Variants in RGPD1 observed in about 807,000 individuals in gnomAD.
RGPD1 encodes the protein RANBP2 like and GRIP domain containing 1.
RGPD1 carries 7 observed loss-of-function variants against 40.6 expected under a neutral mutation model. That is an observed-to-expected ratio of 0.17 (90% CI 0.10 to 0.32). RGPD1 has a LOEUF of 0.32. RGPD1 is among the 10% of genes least tolerant of loss of function. The probability of loss-of-function intolerance (pLI) is 1.00; values close to 1 mark genes in which losing one functional copy is unlikely to be tolerated. For missense variants in RGPD1, 50 were observed against 472.5 expected (o/e 0.11, Z 8.29); for synonymous variants, 24 against 167.0 (o/e 0.14, Z 6.60).
At chr2:86,926,183 TC>T (rs1678487238) in intron 1 of RGPD1, among the ~76,000 whole-genome samples, 1 of 151,976 alleles carries the variant, frequency 6.6e-6, no homozygotes, top group Non-Finnish European at 1.5e-5. Flanking sequence ...CAGTTCTTTT[TC>T]ATTCAGTTCT....
chr2:86,932,071 A>G (rs1679032483), intron 1 of RGPD1, among the ~76,000 whole-genome samples: 1 of 145,010 alleles, frequency 6.9e-6, no homozygotes, highest in East Asian at 2.0e-4. Context: ...TGGAAGGGCA[A>G]ATAACTTGTC....
chr2:86,917,838 CTTAATAT>C (rs1430781305), intron 1 of RGPD1, among the ~76,000 whole-genome samples: 1 of 65,550 alleles, frequency 1.5e-5, no homozygotes, highest in African/African-American at 6.0e-5. Context: ...TCAAATCTCA[CTTAATAT>C]TTAATGTTAA....
rs1358468374 is a variant in RGPD1 at position 86,942,243 on chromosome 2, C to T, written c.7C>T (p.Arg3Cys). ...GAGCCAGGTTGGCGGTGCGATGAGG[C>T]GCAGCAAGGCCTACGGGGAGCGGTA... MR[R>C]SKAYGERYVA... The change falls in exon 1 of 23, where the codon CGC (arginine) becomes TGC (cysteine). Residue 3 changes from arginine to cysteine, a missense_variant. Transcript: ENST00000641458. 2.1e-5 allele frequency: 33 copies of T among 1,605,390 alleles called. No individual in the cohort carries two copies. Among genetic ancestry groups the T allele is most frequent in the African/African-American group, 2.0e-4 (15 of 74,614 alleles).
chr2:86,918,154 A>G (rs1408137304), intron 1 of RGPD1, among the ~76,000 whole-genome samples: 11 of 150,968 alleles, frequency 7.3e-5, no homozygotes, highest in South Asian at 4.2e-4. Context: ...GATTTAAAGT[A>G]CTTTAGCCGA....
At position 86,942,466 on chromosome 2, in the gene RGPD1, C is replaced by CCGGCCTCGACCTGGCCGGGCGGCGGCGG. The variant is rs1553447630; in HGVS notation, c.72+225_72+252dup. ...CTCCCTGGCGCGCTCTGTTGAGGCG[C>CCGGCCTCGACCTGGCCGGGCGGCGGCGG]CGGCCTCGACCTGGCCGGGCGGCGG... is the stretch of plus-strand genomic sequence containing the variant. On this transcript the variant is annotated intron_variant, in intron 1 of 22. Coordinates refer to ENST00000641458, the MANE Select transcript of RGPD1 (RefSeq NM_001382344.1). 5.6e-3 allele frequency among the ~76,000 whole-genome samples: 299 copies of CCGGCCTCGACCTGGCCGGGCGGCGGCGG among 53,568 alleles called. 47 individuals carry two copies. The highest frequency in any genetic ancestry group is 0.011 in the East Asian group (17 of 1,544). 35.1% of individuals were successfully genotyped at this position (53,568 alleles called of 152,430 possible).
At chr2:86,915,439 C>T (rs1202741707) in intron 1 of RGPD1, among the ~76,000 whole-genome samples, 1 of 133,402 alleles carries the variant, frequency 7.5e-6, no homozygotes, top group African/African-American at 2.9e-5. Context: ...GGCCAGGTAC[C>T]TAGAAGTATG....
intron 1 of RGPD1, among the ~76,000 whole-genome samples, chr2:86,914,418 GGGCGGCGGCGGCGGCGGCGGC>G (rs1175704937): frequency 6.1e-4 from 6 of 9,836 alleles, no homozygotes; most frequent in Non-Finnish European, 5.7e-4. Context: ...CGACCTGGCC[GGGCGGCGGCGGCGGCGGCGGC>G]GGCGGCGGCG....
intron 22 of RGPD1, among the ~76,000 whole-genome samples, chr2:87,009,302 C>A (rs1682171723): frequency 9.5e-4 from 3 of 3,168 alleles, no homozygotes; most frequent in South Asian, 7.4e-3. Context: ...AAGACTCTGT[C>A]TCAAAAAAAA....
At chr2:86,942,346 G>A in intron 1 of RGPD1, 38 bp downstream of exon 1, 4 of 1,002,602 alleles carry the variant, frequency 4.0e-6, no homozygotes, top group Middle Eastern at 3.8e-4. Flanking sequence ...CCTCGACCTG[G>A]CCGGGCGGCG....
intron 1 of RGPD1, among the ~76,000 whole-genome samples, chr2:86,931,227 T>A (rs1678936262): frequency 6.6e-6 from 1 of 151,456 alleles, no homozygotes; most frequent in African/African-American, 2.4e-5. Context: ...TATGTGATAG[T>A]GTTTTGTACC....
chr2:86,943,408 C>T (rs891099875), intron 1 of RGPD1, among the ~76,000 whole-genome samples: 1 of 151,210 alleles, frequency 6.6e-6, no homozygotes, highest in Non-Finnish European at 1.5e-5. Context: ...GGGTATTTTT[C>T]CTCTTTACAG....
At position 86,914,899 on chromosome 2, in the gene RGPD1, G is replaced by GGGCGGCGGC. The variant is rs1405211170; in HGVS notation, c.72+981_72+989dup. 8.2e-4 allele frequency among the ~76,000 whole-genome samples: 13 copies of GGGCGGCGGC among 15,776 alleles called. 5 individuals are homozygous for GGGCGGCGGC. Among genetic ancestry groups the GGGCGGCGGC allele is most frequent in the East Asian group, 5.9e-3 (4 of 680 alleles). 10.3% of individuals were successfully genotyped at this position (15,776 alleles called of 152,430 possible). A position where few individuals can be genotyped will look rare whatever the true frequency, so the allele number is the denominator to read the frequency against. On this transcript the variant is annotated intron_variant, in intron 1 of 22. Transcript: ENST00000398193. ...CGGCGGCGGCGGCCTCGACCTGGCC[G>GGGCGGCGGC]GGCGGCGGCGGAGGCGGCGGCCTCG...
chr2:86,930,302 G>A lies in RGPD1; in HGVS notation c.72+16381G>A, dbSNP rs1412935813. On this transcript the variant is annotated intron_variant, in intron 1 of 22. Coordinates refer to the RGPD1 transcript ENST00000398193. ...TGTTCACTGGAAGCAGTCAAGGGGC[G>A]GCCTGGGGCGACAGTATAAGGCGCG... 1.6e-5 allele frequency: 20 copies of A among 1,270,542 alleles called. 1 individual carries two copies. The East Asian group carries it at 2.2e-4, about 14-fold the overall frequency. 78.7% of individuals were successfully genotyped at this position (1,270,542 alleles called of 1,614,324 possible). A position where few individuals can be genotyped will look rare whatever the true frequency, so the allele number is the denominator to read the frequency against.
At chr2:86,960,245 G>A (rs867392803) in intron 6 of RGPD1, among the ~76,000 whole-genome samples, 1,186 of 81,496 alleles carry the variant, frequency 0.015, 28 homozygotes, top group Middle Eastern at 0.025. Context: ...TAGGGTGGTG[G>A]GTGACAGATG....
In RGPD1 at chr2:86,930,612, C is replaced by T. The variant is rs1254391371; in HGVS notation, c.72+16691C>T. On this transcript the variant is annotated intron_variant, in intron 1 of 22. Transcript: ENST00000398193. Reference sequence around the variant, plus strand: ...GAGCTCATAGTAGTAGGTGCAGCAGCCAGTCTCCCCGCAGCAGTGAACACT... The same window carrying T: ...GAGCTCATAGTAGTAGGTGCAGCAGTCAGTCTCCCCGCAGCAGTGAACACT... The T allele has an allele frequency of 3.7e-6, 6 of 1,611,650 alleles. No individual in the cohort carries two copies. In the Admixed American group the frequency reaches 1.0e-4, roughly 27 times the overall value.
exon 1 of RGPD1, chr2:86,913,825 T>A: frequency 6.4e-7 from 1 of 1,558,622 alleles, no homozygotes; most frequent in Non-Finnish European, 8.7e-7. Flanking sequence ...GTTTCACGCG[T>A]CTCGGGAGCC....
At chr2:86,915,373 T>A (rs1443693893) in intron 1 of RGPD1, among the ~76,000 whole-genome samples, 1 of 148,742 alleles carries the variant, frequency 6.7e-6, no homozygotes. Context: ...TGGTAAATGG[T>A]ATTCCAAGTT....
intron 1 of RGPD1, among the ~76,000 whole-genome samples, chr2:86,928,518 A>G (rs1407763909): frequency 3.3e-5 from 5 of 152,124 alleles, no homozygotes; most frequent in Non-Finnish European, 4.4e-5. Flanking sequence ...AGGTAAATGA[A>G]TAGTAAAAGG....
At chr2:86,924,450 C>T (rs565457046) in intron 1 of RGPD1, among the ~76,000 whole-genome samples, 14 of 150,454 alleles carry the variant, frequency 9.3e-5, no homozygotes, top group Admixed American at 3.3e-4. Context: ...CCACCATGCC[C>T]GGCCCGTGGA....
Sources: allele counts gnomAD v4.1 joint callset (sites outside exome capture counted in the v4.1 genomes callset), GRCh38; gene constraint gnomAD v4.1.1; transcripts MANE v1.5; gene names NCBI Gene and HGNC (gene_info 2026-07-23, HGNC 2026-07-21).